SCML2: variants seen among roughly 807,000 people sequenced by gnomAD.
The protein encoded by SCML2 is Scm polycomb group protein like 2.
In SCML2, 6 loss-of-function variants were observed where a neutral mutation model predicts 48.4. That is an observed-to-expected ratio of 0.12 (90% CI 0.07 to 0.24). The LOEUF is 0.24. SCML2 is among the 10% of genes least tolerant of loss of function. SCML2 has a pLI of 1.00. For synonymous variants in SCML2, 181 were observed against 189.5 expected (o/e 0.95, Z 0.37); for missense variants, 377 against 528.2 (o/e 0.71, Z 2.81).
chrX:18,284,359 A>G (rs1208789358), intron 7 of SCML2, among the ~76,000 whole-genome samples: 1 of 112,156 alleles, frequency 8.9e-6, no homozygotes, highest in Admixed American at 9.5e-5. Flanking sequence ...GCCTTAGCAA[A>G]GAATTTTTAG....
intron 7 of SCML2, among the ~76,000 whole-genome samples, chrX:18,281,546 T>G (rs1602102288): frequency 9.1e-6 from 1 of 109,314 alleles, no homozygotes; most frequent in Admixed American, 9.8e-5. Flanking sequence ...ACCCCGTCTC[T>G]ACTAGAAATA....
chrX:18,272,637 G>A (rs1405712143), intron 7 of SCML2, among the ~76,000 whole-genome samples: 3 of 112,334 alleles, frequency 2.7e-5, no homozygotes, highest in Non-Finnish European at 5.6e-5. Context: ...ATTTGGGGCA[G>A]ATTATTTAAA....
intron 1 of SCML2, among the ~76,000 whole-genome samples, chrX:18,354,318 G>C (rs752578618): frequency 8.0e-5 from 9 of 112,774 alleles, no homozygotes; most frequent in African/African-American, 2.6e-4. Context: ...GGAAGCTATC[G>C]GCCGGGCGCC....
intron 7 of SCML2, among the ~76,000 whole-genome samples, chrX:18,286,060 C>A (rs1928041846): frequency 2.7e-5 from 3 of 111,706 alleles, no homozygotes; most frequent in Non-Finnish European, 3.8e-5. Flanking sequence ...ATATTCTAAT[C>A]CTTATATACC....
intron 8 of SCML2, 80 bp downstream of exon 8, chrX:18,265,505 G>T: frequency 1.3e-6 from 1 of 783,450 alleles, no homozygotes; most frequent in Non-Finnish European, 1.9e-6. Flanking sequence ...CATACTCTTA[G>T]TAAATTCCTA....
At chrX:18,309,024 C>G (rs761605493) in intron 6 of SCML2, among the ~76,000 whole-genome samples, 1 of 110,415 alleles carries the variant, frequency 9.1e-6, no homozygotes, top group South Asian at 4.0e-4. Flanking sequence ...GCCTGGTCAA[C>G]ATGGCAAAAC....
chrX:18,334,030 C>T lies in SCML2; in HGVS notation c.22+20G>A. Reference sequence around the variant, plus strand: ...AATGAGTAACTAAAAACATTATTGCCTTTAACAAGTAAATCTTACCTTCAT... The same window carrying T: ...AATGAGTAACTAAAAACATTATTGCTTTTAACAAGTAAATCTTACCTTCAT... On this transcript the variant is annotated intron_variant, in intron 2 of 14. Coordinates refer to ENST00000251900, the MANE Select transcript of SCML2 (RefSeq NM_006089.3). The T allele has an allele frequency of 8.5e-7, 1 of 1,183,361 alleles. No individual in the cohort carries two copies. Among genetic ancestry groups the T allele is most frequent in the Non-Finnish European group, 1.1e-6 (1 of 876,622 alleles).
At chrX:18,253,113 A>C (rs987137652) in intron 11 of SCML2, among the ~76,000 whole-genome samples, 2 of 111,785 alleles carry the variant, frequency 1.8e-5, no homozygotes, top group Non-Finnish European at 3.8e-5. Context: ...AGGGAAGTAC[A>C]ATTCCCCAGT....
At chrX:18,321,510 C>G (rs1750777893) in intron 5 of SCML2, among the ~76,000 whole-genome samples, 1 of 81,842 alleles carries the variant, frequency 1.2e-5, no homozygotes, top group African/African-American at 4.7e-5. Flanking sequence ...ATCAATAAAA[C>G]AAAACATACA....
chrX:18,297,958 G>A (rs939490994), intron 7 of SCML2, among the ~76,000 whole-genome samples: 3 of 111,497 alleles, frequency 2.7e-5, no homozygotes, highest in Non-Finnish European at 3.8e-5. Flanking sequence ...GTATTGAGCC[G>A]TGATCATGCC....
intron 5 of SCML2, among the ~76,000 whole-genome samples, chrX:18,322,286 CAA>C (rs1304381814): frequency 3.6e-5 from 4 of 111,804 alleles, no homozygotes; most frequent in Non-Finnish European, 7.5e-5. Flanking sequence ...TTAAATAAAA[CAA>C]AGTCTAAGAA....
intron 7 of SCML2, among the ~76,000 whole-genome samples, chrX:18,303,855 A>G (rs1928670722): frequency 8.9e-6 from 1 of 112,079 alleles, no homozygotes; most frequent in Non-Finnish European, 1.9e-5. Context: ...GTCCCGAATT[A>G]CAGATGATTC....
intron 7 of SCML2, among the ~76,000 whole-genome samples, chrX:18,285,428 A>C (rs764737806): frequency 4.6e-5 from 5 of 109,557 alleles, no homozygotes; most frequent in Non-Finnish European, 7.6e-5. Flanking sequence ...TGGAGGCCAT[A>C]ATCCTAAGCA....
At chrX:18,290,508 A>C (rs1415164086) in intron 7 of SCML2, among the ~76,000 whole-genome samples, 1 of 111,360 alleles carries the variant, frequency 9.0e-6, no homozygotes, top group Non-Finnish European at 1.9e-5. Flanking sequence ...GAATTAGGCT[A>C]CAAGATGACA....
chrX:18,273,193 C>G (rs1323590472), intron 7 of SCML2, among the ~76,000 whole-genome samples: 1 of 111,353 alleles, frequency 9.0e-6, no homozygotes, highest in South Asian at 3.9e-4. Flanking sequence ...CCTTCTCCCC[C>G]ATCCCCACCT....
At chrX:18,345,648 T>TTACAC (rs1930174703) in intron 1 of SCML2, among the ~76,000 whole-genome samples, 1 of 110,851 alleles carries the variant, frequency 9.0e-6, no homozygotes, top group Non-Finnish European at 1.9e-5. Context: ...TGCCTCAGCC[T>TTACAC]CTCAAAGTGC....
At chrX:18,344,799 CA>C (rs1455794263) in intron 1 of SCML2, among the ~76,000 whole-genome samples, 1 of 110,966 alleles carries the variant, frequency 9.0e-6, no homozygotes, top group Non-Finnish European at 1.9e-5. Context: ...AGCGTGAAAA[CA>C]GACTAATACA....
intron 1 of SCML2, among the ~76,000 whole-genome samples, chrX:18,354,361 G>C (rs1387014637): frequency 8.9e-6 from 1 of 112,195 alleles, no homozygotes; most frequent in African/African-American, 3.2e-5. Flanking sequence ...GCCCCGGGGC[G>C]GCGTGAGGGG....
chrX:18,291,303 AAACTT>A (rs1481708729), intron 7 of SCML2, among the ~76,000 whole-genome samples: 5 of 111,705 alleles, frequency 4.5e-5, no homozygotes, highest in Non-Finnish European at 9.4e-5. Context: ...TAAGAAAAGA[AAACTT>A]AAATAAACAA....
Sources: gnomAD v4.1 joint callset for allele counts (sites outside exome capture counted in the v4.1 genomes callset) on GRCh38, gnomAD v4.1.1 for gene constraint, MANE v1.5 for transcripts, NCBI Gene and HGNC (gene_info 2026-07-23, HGNC 2026-07-21) for gene names.